SLC30A10: variants seen among roughly 807,000 people sequenced by gnomAD.
The protein encoded by SLC30A10 is solute carrier family 30 member 10, also known as calcium/manganese antiporter SLC30A10.
Under a neutral mutation model 21.7 loss-of-function variants are expected in SLC30A10, and 8 were observed. The observed-to-expected ratio is 0.37, with a 90% CI of 0.22 to 0.67. SLC30A10 has a LOEUF of 0.67. Ranked by LOEUF, SLC30A10 falls within the 30% of genes least tolerant of loss-of-function variation. The pLI, the probability that SLC30A10 is intolerant of heterozygous loss-of-function variation, is 0.58. For missense variants in SLC30A10, 521 were observed against 642.5 expected, an observed-to-expected ratio of 0.81 and a Z score of 2.04; for synonymous variants, 272 against 279.4, an observed-to-expected ratio of 0.97 and a Z score of 0.26.
chr1:219,927,945 C>T lies in SLC30A10; in HGVS notation c.496G>A (p.Ala166Thr). The change falls in exon 1 of 4, where the codon GCT (alanine) becomes ACT (threonine). Residue 166 changes from alanine (A) to threonine (T), a missense_variant. Ala to Thr is a moderately conservative substitution (Grantham distance 58). Transcript: ENST00000366926. ...QQLAEGCVPG[A>T]FGGPQGAEDP... ...TCCGCGCCCTGAGGCCCCCCGAAAGCGCCGGGGACACAGCCCTCCGCCAGC... is the reference window on the plus strand; with the variant it reads ...TCCGCGCCCTGAGGCCCCCCGAAAGTGCCGGGGACACAGCCCTCCGCCAGC... 2 of 1,540,384 alleles carry T rather than the reference C, an allele frequency of 1.3e-6. No individual in the cohort carries two copies. The highest frequency in any genetic ancestry group is 1.2e-5 in the South Asian group (1 of 83,212).
intron 2 of SLC30A10, among the ~76,000 whole-genome samples, chr1:219,924,520 C>G: frequency 6.6e-6 from 1 of 152,172 alleles, no homozygotes; most frequent in African/African-American, 2.4e-5. Context: ...GATAAGAACA[C>G]AGCACCAAAG....
intron 2 of SLC30A10, among the ~76,000 whole-genome samples, chr1:219,926,597 T>C (rs1659832358): frequency 6.6e-6 from 1 of 152,178 alleles, no homozygotes; most frequent in Non-Finnish European, 1.5e-5. Context: ...AAAAGCAGAT[T>C]TCTGGCAGAA....
At chr1:219,944,647 AC>A (rs1021653201) in intron 1 of SLC30A10, among the ~76,000 whole-genome samples, 1 of 152,208 alleles carries the variant, frequency 6.6e-6, no homozygotes, top group African/African-American at 2.4e-5. Flanking sequence ...TTTTATTCAA[AC>A]TAGCAAAGTA....
At chr1:219,929,017 C>T (rs1659923160), upstream of SLC30A10, among the ~76,000 whole-genome samples, 2 of 152,230 alleles carry the variant, frequency 1.3e-5, no homozygotes, top group Admixed American at 6.5e-5. Flanking sequence ...GGTGCAAGGC[C>T]CCGGAGCACA....
chr1:219,925,649 ATATTTTTT>A (rs1420242527), intron 2 of SLC30A10, among the ~76,000 whole-genome samples: 5 of 65,934 alleles, frequency 7.6e-5, no homozygotes, highest in Non-Finnish European at 1.2e-4. Flanking sequence ...ATATATATAT[ATATTTTTT>A]TTTTTTTTTT....
At chr1:219,950,320 G>C (rs780236079) in intron 1 of SLC30A10, among the ~76,000 whole-genome samples, 1 of 152,212 alleles carries the variant, frequency 6.6e-6, no homozygotes, top group South Asian at 2.1e-4. Context: ...ACTGAAAGAT[G>C]GGGAAGCTAA....
chr1:219,934,492 TGAA>T, intron 1 of SLC30A10, among the ~76,000 whole-genome samples: 1 of 151,916 alleles, frequency 6.6e-6, no homozygotes, highest in Non-Finnish European at 1.5e-5. Flanking sequence ...AAGCATAGTT[TGAA>T]AGACAATAGT....
At chr1:219,953,812 T>G (rs1660306665) in intron 1 of SLC30A10, among the ~76,000 whole-genome samples, 1 of 151,672 alleles carries the variant, frequency 6.6e-6, no homozygotes, top group Non-Finnish European at 1.5e-5. Context: ...GTTCACACCA[T>G]TCTCTTGCCT....
chr1:219,954,550 C>T (rs916645699), intron 1 of SLC30A10, among the ~76,000 whole-genome samples: 1 of 151,830 alleles, frequency 6.6e-6, no homozygotes, highest in Admixed American at 6.6e-5. Context: ...CATAGTGGCG[C>T]ACGCCTGTAA....
chr1:219,929,615 G>T (rs1267349609), upstream of SLC30A10, among the ~76,000 whole-genome samples: 3 of 152,114 alleles, frequency 2.0e-5, no homozygotes, highest in Non-Finnish European at 4.4e-5. Context: ...CCGCCTCTCG[G>T]ATTCAAGCGA....
chr1:219,938,663 G>T (rs948840672), intron 1 of SLC30A10, among the ~76,000 whole-genome samples: 1 of 152,196 alleles, frequency 6.6e-6, no homozygotes. Context: ...AATATTTTAT[G>T]TTCAACTGTC....
intron 1 of SLC30A10, among the ~76,000 whole-genome samples, chr1:219,951,614 G>A (rs935464218): frequency 1.3e-4 from 20 of 151,850 alleles, no homozygotes; most frequent in Non-Finnish European, 2.1e-4. Context: ...CCAGCTACTC[G>A]GGAGGCTGAG....
At position 219,915,623 on chromosome 1, in the gene SLC30A10, A is replaced by G. The variant is rs750423426; in HGVS notation, c.1284T>C (p.Cys428=). Residue 428 remains cysteine, a synonymous_variant, in exon 4 of 4, where the codon TGT becomes TGC. Transcript: ENST00000366926. ...GALPLAHVNG[C]AEHNGGPSLD... is the part of the protein sequence containing the mutation. The stretch of plus-strand genomic sequence containing the variant: ...GAGAGGGCCCACCATTGTGCTCAGC[A>G]CAGCCATTGACGTGAGCCAGAGGCA... 6 of 1,614,140 alleles carry G rather than the reference A, an allele frequency of 3.7e-6. No homozygotes were observed. In the Admixed American group the frequency reaches 5.0e-5, roughly 13 times the overall value.
In SLC30A10 at chr1:219,913,447, A is replaced by C. The variant is rs746394844; in HGVS notation, c.*2002T>G. Reference sequence around the variant, plus strand: ...TGTGAAATTATAATTTTCCCTTTTAATAAAGGCAGAATGATGTGAAATCAA... The same window carrying C: ...TGTGAAATTATAATTTTCCCTTTTACTAAAGGCAGAATGATGTGAAATCAA... On this transcript the variant is annotated 3_prime_UTR_variant, in exon 4 of 4. Transcript: ENST00000366926. 1 of 152,214 alleles carries C rather than the reference A, an allele frequency of 6.6e-6. No individual in the cohort carries two copies. The highest frequency in any genetic ancestry group is 1.5e-5 in the Non-Finnish European group (1 of 68,030). 9.4% of individuals were successfully genotyped at this position (152,214 alleles called of 1,614,324 possible). A position where few individuals can be genotyped will look rare whatever the true frequency, so the allele number is the denominator to read the frequency against.
intron 2 of SLC30A10, among the ~76,000 whole-genome samples, chr1:219,924,799 CTT>C (rs1659775727): frequency 6.6e-6 from 1 of 152,156 alleles, no homozygotes; most frequent in Non-Finnish European, 1.5e-5. Flanking sequence ...AGCCTAAACA[CTT>C]TATATGTTTC....
upstream of SLC30A10, among the ~76,000 whole-genome samples, chr1:219,931,277 G>A (rs1021841647): frequency 6.6e-6 from 1 of 152,204 alleles, no homozygotes. Context: ...TGCAGTGGAT[G>A]GAACCATAAA....
intron 1 of SLC30A10, among the ~76,000 whole-genome samples, chr1:219,947,573 T>C (rs1660202899): frequency 6.6e-6 from 1 of 152,128 alleles, no homozygotes; most frequent in South Asian, 2.1e-4. Context: ...AAGACACCTA[T>C]TCAGGTGCAG....
At chr1:219,943,970 G>A (rs1385180413) in intron 1 of SLC30A10, among the ~76,000 whole-genome samples, 1 of 151,528 alleles carries the variant, frequency 6.6e-6, no homozygotes. Flanking sequence ...CATGGTGGTG[G>A]GCACCTGTAG....
At chr1:219,942,517 C>T (rs1006947998) in intron 1 of SLC30A10, among the ~76,000 whole-genome samples, 1 of 152,198 alleles carries the variant, frequency 6.6e-6, no homozygotes. Flanking sequence ...AAAACTACCT[C>T]CCATGGGAAG....
Sources: allele counts gnomAD v4.1 joint callset (sites outside exome capture counted in the v4.1 genomes callset), GRCh38; gene constraint gnomAD v4.1.1; transcripts MANE v1.5; gene names NCBI Gene and HGNC (gene_info 2026-07-23, HGNC 2026-07-21).